FUT2: variants seen among roughly 807,000 people sequenced by gnomAD.
FUT2 encodes fucosyltransferase 2 (H blood group), also known as galactoside alpha-(1,2)-fucosyltransferase 2.
For missense variants in FUT2, 419 were observed against 465.8 expected (o/e 0.90, Z 0.93); for synonymous variants, 182 against 193.1 (o/e 0.94, Z 0.48).
At chr19:48,700,366 T>A (rs947623716) in intron 1 of FUT2, among the ~76,000 whole-genome samples, 7 of 151,072 alleles carry the variant, frequency 4.6e-5, no homozygotes, top group Non-Finnish European at 7.4e-5. Flanking sequence ...TCGCTCTGTC[T>A]CCCAGGCTGG....
chr19:48,703,394 C>T lies in FUT2; in HGVS notation c.438C>T (p.Arg146=), dbSNP rs894493001. The T allele has an allele frequency of 1.9e-5, 30 of 1,613,048 alleles. No homozygotes were observed. The highest frequency in any genetic ancestry group is 2.5e-5 in the Non-Finnish European group (29 of 1,179,982). Residue 146 remains arginine (R), a synonymous_variant, in exon 2 of 2, where the codon CGC becomes CGT. Transcript: ENST00000425340. Reference sequence around the variant, plus strand: ...GCCACATCCCGGGGGAGTACGTCCGCTTCACCGGCTACCCCTGCTCCTGGA... The same window carrying T: ...GCCACATCCCGGGGGAGTACGTCCGTTTCACCGGCTACCCCTGCTCCTGGA... The part of the protein sequence containing the change: ...EYRHIPGEYV[R]FTGYPCSWTF...
In FUT2 at chr19:48,704,279, A is replaced by G; in HGVS notation, c.*291A>G. 2.2e-6 allele frequency: 1 copy of G among 447,244 alleles called. No individual in the cohort carries two copies. The allele number at this position is 447,244 out of a possible 1,614,324, so 27.7% of individuals were successfully genotyped here. On this transcript the variant is annotated 3_prime_UTR_variant, in exon 2 of 2. Coordinates refer to ENST00000425340, the MANE Select transcript of FUT2 (RefSeq NM_000511.6). Reference sequence around the variant, plus strand: ...TCGACTAAAAATACAAAAATTAGCCAGGCGTGGTGGTGCACACCTGTAATC... The same window carrying G: ...TCGACTAAAAATACAAAAATTAGCCGGGCGTGGTGGTGCACACCTGTAATC...
intron 1 of FUT2, among the ~76,000 whole-genome samples, chr19:48,699,891 C>T (rs547981336): frequency 9.2e-5 from 14 of 151,954 alleles, no homozygotes; most frequent in Admixed American, 2.0e-4. Context: ...TGGTGGCTCA[C>T]GCCTGTAATC....
At position 48,705,111 on chromosome 19, in the gene FUT2, CTTTTT is replaced by C; in HGVS notation, c.*1136_*1140del. 11 of 136,080 alleles carry C rather than the reference CTTTTT, an allele frequency of 8.1e-5. No homozygotes were observed. Among genetic ancestry groups the C allele is most frequent in the East Asian group, 3.2e-4 (3 of 9,266 alleles). 8.4% of individuals were successfully genotyped at this position (136,080 alleles called of 1,614,324 possible). A position where few individuals can be genotyped will look rare whatever the true frequency, so the allele number is the denominator to read the frequency against. On this transcript the variant is annotated 3_prime_UTR_variant, in exon 2 of 2. Coordinates refer to ENST00000425340, the MANE Select transcript of FUT2 (RefSeq NM_000511.6). ...CACTGTTTTCTTTTCTTTTTCTTTTCTTTTTTTTTTTTTTTTTGAGATGGAGTCTT... is the reference window on the plus strand; with the variant it reads ...CACTGTTTTCTTTTCTTTTTCTTTTCTTTTTTTTTTTTGAGATGGAGTCTT...
intron 1 of FUT2, among the ~76,000 whole-genome samples, chr19:48,699,058 T>C (rs2032465662): frequency 7.1e-6 from 1 of 141,004 alleles, no homozygotes; most frequent in Non-Finnish European, 1.6e-5. Flanking sequence ...TCCTCACCTA[T>C]CACAAAGTTT....
In FUT2 at chr19:48,704,092, C is replaced by T. The variant is rs2032588381; in HGVS notation, c.*104C>T. 2 of 1,094,778 alleles carry T rather than the reference C, an allele frequency of 1.8e-6. No homozygotes were observed. The highest frequency in any genetic ancestry group is 2.8e-6 in the Non-Finnish European group (2 of 718,000). 67.8% of individuals were successfully genotyped at this position (1,094,778 alleles called of 1,614,324 possible). A position where few individuals can be genotyped will look rare whatever the true frequency, so the allele number is the denominator to read the frequency against. Reference sequence around the variant, plus strand: ...TCCATGAGCAGGACCCATCTCTCTTCTGTGAAGATGCGTTGGGCTGCAAGT... The same window carrying T: ...TCCATGAGCAGGACCCATCTCTCTTTTGTGAAGATGCGTTGGGCTGCAAGT... On this transcript the variant is annotated 3_prime_UTR_variant, in exon 2 of 2. Coordinates refer to ENST00000425340, the MANE Select transcript of FUT2 (RefSeq NM_000511.6).
intron 1 of FUT2, among the ~76,000 whole-genome samples, chr19:48,697,454 T>A (rs1354385812): frequency 6.6e-6 from 1 of 150,770 alleles, no homozygotes; most frequent in East Asian, 2.0e-4. Flanking sequence ...GAGGACCTCC[T>A]GAGGCCAGGA....
chr19:48,703,566 G>T lies in FUT2; in HGVS notation c.610G>T (p.Asp204Tyr). The change falls in exon 2 of 2, where the codon GAC (aspartate) becomes TAC (tyrosine). Residue 204 changes from aspartate to tyrosine, a missense_variant. Coordinates refer to ENST00000425340, the MANE Select transcript of FUT2 (RefSeq NM_000511.6). ...TGTAGGGGTCCATGTTCGCCGAGGG[G>T]ACTATGTCCATGTCATGCCAAAAGT... is the stretch of plus-strand genomic sequence containing the variant. ...TFVGVHVRRGDYVHVMPKVWK... is the reference protein window; with the variant it reads ...TFVGVHVRRGYYVHVMPKVWK... The T allele has an allele frequency of 1.2e-6, 2 of 1,613,388 alleles. No individual in the cohort carries two copies. Among genetic ancestry groups the T allele is most frequent in the Middle Eastern group, 1.6e-4 (1 of 6,062 alleles).
In FUT2 at chr19:48,705,011, C is replaced by T. The variant is rs1044065778; in HGVS notation, c.*1023C>T. The T allele has an allele frequency of 4.9e-6, 2 of 406,376 alleles. No homozygotes were observed. Among genetic ancestry groups the T allele is most frequent in the East Asian group, 3.6e-5 (1 of 27,924 alleles). 25.2% of individuals were successfully genotyped at this position (406,376 alleles called of 1,614,324 possible). A position where few individuals can be genotyped will look rare whatever the true frequency, so the allele number is the denominator to read the frequency against. On this transcript the variant is annotated 3_prime_UTR_variant, in exon 2 of 2. Transcript: ENST00000425340. ...GCAGGAAGTCCCCTGGTTAAGAAGGCAAGTGGGGTTTAAACAGACCCACAG... is the reference window on the plus strand; with the variant it reads ...GCAGGAAGTCCCCTGGTTAAGAAGGTAAGTGGGGTTTAAACAGACCCACAG...
In FUT2 at chr19:48,704,253, C is replaced by T; in HGVS notation, c.*265C>T. The T allele has an allele frequency of 2.0e-6, 1 of 490,658 alleles. No individual in the cohort carries two copies. Among genetic ancestry groups the T allele is most frequent in the Admixed American group, 3.3e-5 (1 of 30,584 alleles). The allele number at this position is 490,658 out of a possible 1,614,324, so 30.4% of individuals were successfully genotyped here. ...CCTGGCCAACATGGTGAAACCCCATCTCGACTAAAAATACAAAAATTAGCC... is the reference window on the plus strand; with the variant it reads ...CCTGGCCAACATGGTGAAACCCCATTTCGACTAAAAATACAAAAATTAGCC... On this transcript the variant is annotated 3_prime_UTR_variant, in exon 2 of 2. Transcript: ENST00000425340.
At chr19:48,698,585 G>C (rs966135959) in intron 1 of FUT2, among the ~76,000 whole-genome samples, 1 of 151,906 alleles carries the variant, frequency 6.6e-6, no homozygotes, top group Non-Finnish European at 1.5e-5. Flanking sequence ...GTGATTACAG[G>C]CATGTGCCAC....
Position 48,705,939 on chromosome 19 carries a change from T to A in FUT2, c.*1951T>A. On this transcript the variant is annotated 3_prime_UTR_variant, in exon 2 of 2. Coordinates refer to ENST00000425340, the MANE Select transcript of FUT2 (RefSeq NM_000511.6). The stretch of plus-strand genomic sequence containing the variant: ...ATAAATGAATAAACACAATTATGAC[T>A]TTGCGGATGGGAGAAAAGGTTCTCT... The A allele has an allele frequency of 6.1e-6, 1 of 164,594 alleles. No homozygotes were observed. 10.2% of individuals were successfully genotyped at this position (164,594 alleles called of 1,614,324 possible).
Position 48,703,983 on chromosome 19 carries a change from C to A in FUT2, c.1027C>A (p.His343Asn). ...IAADLSPLLK[H>N] ...CGCAGACCTGTCCCCCTTACTCAAG[C>A]ACTAATGCTGGCCCATTCTTTGAGA... Residue 343 changes from histidine (H) to asparagine (N), a missense_variant, in exon 2 of 2, where the codon CAC becomes AAC. His to Asn is a moderately conservative substitution (Grantham distance 68). Transcript: ENST00000425340. 2 of 1,613,298 alleles carry A rather than the reference C, an allele frequency of 1.2e-6. No homozygotes were observed. Among genetic ancestry groups the A allele is most frequent in the Non-Finnish European group, 1.7e-6 (2 of 1,179,920 alleles).
At chr19:48,698,777 T>A (rs1036495627) in intron 1 of FUT2, among the ~76,000 whole-genome samples, 11 of 151,936 alleles carry the variant, frequency 7.2e-5, no homozygotes, top group African/African-American at 2.7e-4. Context: ...GTTCTCACTA[T>A]GTGGTCCAGG....
In FUT2 at chr19:48,700,843, A is replaced by G. The variant is rs1288081912; in HGVS notation, c.-2-2112A>G. The stretch of plus-strand genomic sequence containing the variant: ...AATTGTCACATAACCATGTGGCCCG[A>G]TAGGAGGCAAAAGAAATGAGACTTC... On this transcript the variant is annotated intron_variant, in intron 1 of 1. Transcript: ENST00000425340. 2.6e-5 allele frequency among the ~76,000 whole-genome samples: 4 copies of G among 152,050 alleles called. No homozygotes were observed. In the East Asian group the frequency reaches 5.8e-4, roughly 22 times the overall value.
intron 1 of FUT2, among the ~76,000 whole-genome samples, chr19:48,697,418 C>CT (rs1032516267): frequency 6.6e-6 from 1 of 150,398 alleles, no homozygotes; most frequent in African/African-American, 2.4e-5. Flanking sequence ...AATCCCAGCA[C>CT]TTTGGGAGGC....
intron 1 of FUT2, among the ~76,000 whole-genome samples, chr19:48,701,332 C>T (rs2032513379): frequency 6.6e-6 from 1 of 151,966 alleles, no homozygotes; most frequent in African/African-American, 2.4e-5. Context: ...GCGTCCGCCA[C>T]CACACCTGGC....
At chr19:48,702,460 C>G (rs986955440) in intron 1 of FUT2, among the ~76,000 whole-genome samples, 1 of 151,894 alleles carries the variant, frequency 6.6e-6, no homozygotes, top group African/African-American at 2.4e-5. Flanking sequence ...TATAGATACA[C>G]AAAGTGTATA....
intron 1 of FUT2, chr19:48,696,570 T>C (rs2032415167): frequency 6.6e-6 from 1 of 152,178 alleles, no homozygotes; most frequent in Non-Finnish European, 1.5e-5. Context: ...GGCGGCTCCG[T>C]CCCTCCTGCA....
Sources: gnomAD v4.1 joint callset for allele counts (sites outside exome capture counted in the v4.1 genomes callset) on GRCh38, gnomAD v4.1.1 for gene constraint, MANE v1.5 for transcripts, NCBI Gene and HGNC (gene_info 2026-07-23, HGNC 2026-07-21) for gene names.